The following FAM168A variants were observed in gnomAD, a reference collection of about 807,000 sequenced individuals.
FAM168A encodes the protein family with sequence similarity 168 member A, also known as protein FAM168A.
Under a neutral mutation model 28.5 loss-of-function variants are expected in FAM168A, and 3 were observed. That is an observed-to-expected ratio of 0.11 (90% CI 0.05 to 0.27). FAM168A has a LOEUF of 0.27. Among genes scored for constraint, FAM168A ranks in the 10% least tolerant of loss-of-function variants. FAM168A has a pLI of 1.00. For missense variants in FAM168A, 222 were observed against 311.5 expected (o/e 0.71, Z 2.16); for synonymous variants, 122 against 124.2 (o/e 0.98, Z 0.12).
intron 1 of FAM168A, among the ~76,000 whole-genome samples, chr11:73,494,196 G>A (rs1854821241): frequency 6.6e-6 from 1 of 152,126 alleles, no homozygotes; most frequent in South Asian, 2.1e-4. Flanking sequence ...AGCTTGGTAG[G>A]ACCTCAAAGA....
At chr11:73,580,730 A>G (rs1195751026) in intron 1 of FAM168A, among the ~76,000 whole-genome samples, 1 of 152,208 alleles carries the variant, frequency 6.6e-6, no homozygotes, top group African/African-American at 2.4e-5. Context: ...TGGGGAAAAC[A>G]CCTTTCCCTT....
At chr11:73,597,690 T>A (rs963536420) in intron 1 of FAM168A, among the ~76,000 whole-genome samples, 1 of 148,302 alleles carries the variant, frequency 6.7e-6, no homozygotes, top group Non-Finnish European at 1.5e-5. Context: ...TTATTCTCCA[T>A]CAAAAGTCCT....
intron 1 of FAM168A, among the ~76,000 whole-genome samples, chr11:73,511,839 T>TCTCA (rs1277678347): frequency 2.0e-5 from 3 of 152,216 alleles, no homozygotes; most frequent in Admixed American, 6.5e-5. Context: ...ATAAGATACA[T>TCTCA]GAGAAGCACA....
intron 1 of FAM168A, among the ~76,000 whole-genome samples, chr11:73,572,234 GC>G (rs1461615029): frequency 2.7e-4 from 40 of 149,330 alleles, no homozygotes; most frequent in Non-Finnish European, 5.1e-4. Context: ...CCGGCCAGCC[GC>G]CCCGTCCGGG....
At chr11:73,454,249 T>C (rs1369510347) in intron 2 of FAM168A, among the ~76,000 whole-genome samples, 5 of 152,162 alleles carry the variant, frequency 3.3e-5, no homozygotes, top group Non-Finnish European at 7.4e-5. Flanking sequence ...AGCTGATTTA[T>C]AATAAAAGAG....
intron 1 of FAM168A, among the ~76,000 whole-genome samples, chr11:73,589,795 C>T (rs1275831607): frequency 2.6e-5 from 4 of 152,062 alleles, no homozygotes; most frequent in Admixed American, 2.0e-4. Flanking sequence ...GGCGTGGTGG[C>T]GCACGCCTGT....
chr11:73,543,282 T>TC (rs1943680579), intron 1 of FAM168A, among the ~76,000 whole-genome samples: 1 of 149,996 alleles, frequency 6.7e-6, no homozygotes. Flanking sequence ...TTTTTTTTTT[T>TC]TGATGGAGTC....
At chr11:73,465,202 A>G (rs540048514) in intron 2 of FAM168A, among the ~76,000 whole-genome samples, 252 of 150,414 alleles carry the variant, frequency 1.7e-3, no homozygotes, top group Non-Finnish European at 3.1e-3. Context: ...AATTAGTGAC[A>G]GAGACCAGAT....
chr11:73,420,414 T>A (rs563828451), intron 3 of FAM168A, among the ~76,000 whole-genome samples: 17 of 152,352 alleles, frequency 1.1e-4, no homozygotes, highest in Admixed American at 9.1e-4. Context: ...AAATATCATC[T>A]GGAGGTATAT....
rs538223400 is a variant in FAM168A at position 73,475,185 on chromosome 11, C to G, written c.-18-6693G>C. On this transcript the variant is annotated intron_variant, in intron 1 of 7. Coordinates refer to ENST00000356467, the MANE Select transcript of FAM168A (RefSeq NM_015159.3). ...AGAGATTAAAGTAATATTTACACAA[C>G]AGGTTGCAGTGTTTAAACTTAGTGT... 3.3e-5 allele frequency among the ~76,000 whole-genome samples: 5 copies of G among 152,202 alleles called. No individual in the cohort carries two copies. The South Asian group carries it at 1.0e-3, about 32-fold the overall frequency.
Position 73,405,658 on chromosome 11 carries a change from G to T in FAM168A, c.*1105C>A. 6.6e-6 allele frequency: 1 copy of T among 152,338 alleles called. No individual in the cohort carries two copies. Among genetic ancestry groups the T allele is most frequent in the Non-Finnish European group, 1.5e-5 (1 of 68,042 alleles). 9.4% of individuals were successfully genotyped at this position (152,338 alleles called of 1,614,324 possible). On this transcript the variant is annotated 3_prime_UTR_variant, in exon 8 of 8. Coordinates refer to ENST00000356467, the MANE Select transcript of FAM168A (RefSeq NM_015159.3). ...CTTCACTATCCTCACCTTCAGAGCT[G>T]CCAGCACCCACCTGGAATGTGGTTC...
chr11:73,525,246 C>A (rs897910526), intron 1 of FAM168A, among the ~76,000 whole-genome samples: 1 of 152,116 alleles, frequency 6.6e-6, no homozygotes, highest in African/African-American at 2.4e-5. Flanking sequence ...CACGTACGAA[C>A]AGTAGAGCAT....
chr11:73,536,176 T>C (rs1943578538), intron 1 of FAM168A, among the ~76,000 whole-genome samples: 1 of 152,142 alleles, frequency 6.6e-6, no homozygotes, highest in Non-Finnish European at 1.5e-5. Context: ...AGCTTTTTAG[T>C]ATTCCACTTT....
intron 1 of FAM168A, among the ~76,000 whole-genome samples, chr11:73,577,157 T>C (rs932782029): frequency 1.6e-4 from 25 of 152,308 alleles, no homozygotes; most frequent in African/African-American, 5.8e-4. Context: ...ATGGAAGGAA[T>C]GAAGCTAGCG....
chr11:73,416,674 T>C (rs1866699802), intron 4 of FAM168A, among the ~76,000 whole-genome samples: 2 of 152,124 alleles, frequency 1.3e-5, no homozygotes, highest in South Asian at 2.1e-4. Context: ...GGTTTATACA[T>C]TACTTGCTTG....
intron 1 of FAM168A, among the ~76,000 whole-genome samples, chr11:73,584,768 T>A (rs1033187232): frequency 1.3e-5 from 2 of 152,142 alleles, no homozygotes; most frequent in African/African-American, 4.8e-5. Flanking sequence ...TGAGCCACCA[T>A]GCCCAGTCCA....
In FAM168A at chr11:73,545,990, C is replaced by A. The variant is rs186544492; in HGVS notation, c.-19+51933G>T. ...AGGTTTTTTAGAAAGTTATCAGAGC[C>A]AAGAGTTGATTCTACATTCACTACC... On this transcript the variant is annotated intron_variant, in intron 1 of 7. Transcript: ENST00000356467. Among the ~76,000 whole-genome samples, 61 of 152,244 alleles carry A rather than the reference C, an allele frequency of 4.0e-4. 1 individual carries two copies. Among genetic ancestry groups the A allele is most frequent in the African/African-American group, 1.4e-3 (60 of 41,534 alleles).
chr11:73,549,029 C>T (rs902284740), intron 1 of FAM168A, among the ~76,000 whole-genome samples: 1 of 152,144 alleles, frequency 6.6e-6, no homozygotes, highest in Admixed American at 6.5e-5. Flanking sequence ...GCAACCTCCA[C>T]CCCCCGAGTT....
chr11:73,499,757 A>C (rs992173199), intron 1 of FAM168A, among the ~76,000 whole-genome samples: 13 of 152,196 alleles, frequency 8.5e-5, no homozygotes, highest in Admixed American at 7.2e-4. Flanking sequence ...GAATCAGCCA[A>C]GCGGAAGAAA....
Sources: allele counts gnomAD v4.1 joint callset (sites outside exome capture counted in the v4.1 genomes callset), GRCh38; gene constraint gnomAD v4.1.1; transcripts MANE v1.5; gene names NCBI Gene and HGNC (gene_info 2026-07-23, HGNC 2026-07-21).